The following ARAP2 variants were observed in gnomAD, a reference collection of about 807,000 sequenced individuals.
The protein encoded by ARAP2 is arf-GAP with Rho-GAP domain, ANK repeat and PH domain-containing protein 2.
Under a neutral mutation model 194.5 loss-of-function variants are expected in ARAP2, and 148 were observed. The observed-to-expected ratio is 0.76, with a 90% confidence interval of 0.67 to 0.87. ARAP2 has a LOEUF of 0.87. Among genes scored for constraint, ARAP2 ranks in the 40% least tolerant of loss-of-function variants. The pLI, the probability that ARAP2 is intolerant of heterozygous loss-of-function variation, is 0.00. For synonymous variants in ARAP2, 695 were observed against 683.5 expected, an observed-to-expected ratio of 1.02 and a Z score of -0.26; for missense variants, 2,128 against 1,989.7, an observed-to-expected ratio of 1.07 and a Z score of -1.32.
At chr4:36,060,863 A>G (rs760906707) in intron 1 of ARAP2, among the ~76,000 whole-genome samples, 10 of 152,066 alleles carry the variant, frequency 6.6e-5, no homozygotes, top group Non-Finnish European at 1.0e-4. Context: ...GGCCTGTCCT[A>G]ATAACTTCAT....
intron 9 of ARAP2, among the ~76,000 whole-genome samples, chr4:36,175,498 C>A (rs111990416): frequency 6.6e-6 from 1 of 152,138 alleles, no homozygotes; most frequent in Admixed American, 6.5e-5. Flanking sequence ...ACGTGGACGG[C>A]CTTCCTTATC....
intron 1 of ARAP2, among the ~76,000 whole-genome samples, chr4:36,235,425 G>T (rs567964342): frequency 5.9e-5 from 9 of 152,056 alleles, no homozygotes; most frequent in Non-Finnish European, 2.9e-5. Flanking sequence ...CAGCATATAC[G>T]TATGTCTCCA....
chr4:36,136,957 CAT>C (rs991475310), intron 19 of ARAP2, among the ~76,000 whole-genome samples: 10 of 138,946 alleles, frequency 7.2e-5, no homozygotes, highest in Admixed American at 1.4e-4. Context: ...CACACACACA[CAT>C]ATACACGTAT....
At chr4:36,147,399 C>T in intron 18 of ARAP2, 40 bp from the exon 19 acceptor site, 1 of 1,601,536 alleles carries the variant, frequency 6.2e-7, no homozygotes, top group African/African-American at 1.3e-5. Flanking sequence ...TTTTTTAAAA[C>T]ACTGTAATAA....
chr4:36,126,291 C>G (rs1470348483), intron 21 of ARAP2, among the ~76,000 whole-genome samples: 1 of 152,020 alleles, frequency 6.6e-6, no homozygotes, highest in South Asian at 2.1e-4. Flanking sequence ...AAATTTAACA[C>G]TACTACGCTT....
intron 1 of ARAP2, among the ~76,000 whole-genome samples, chr4:36,240,356 C>T (rs181317734): frequency 2.0e-5 from 3 of 152,306 alleles, no homozygotes; most frequent in Non-Finnish European, 2.9e-5. Flanking sequence ...AATAAACCCA[C>T]AATGCACCTA....
Position 36,091,781 on chromosome 4 carries a change from C to CT in ARAP2, c.4425+99dup, listed in dbSNP as rs1713729052. Reference sequence around the variant, plus strand: ...ATCAGCTTACCATGCATTTTATATACTACAGGCAGTGACTTCCAAGAGAGA... The same window carrying CT: ...ATCAGCTTACCATGCATTTTATATACTTACAGGCAGTGACTTCCAAGAGAGA... On this transcript the variant is annotated intron_variant, in intron 28 of 32. Transcript: ENST00000303965. 29 of 1,297,896 alleles carry CT rather than the reference C, an allele frequency of 2.2e-5. No homozygotes were observed. In the South Asian group the frequency reaches 5.0e-4, roughly 22 times the overall value. The allele number at this position is 1,297,896 out of a possible 1,614,324, so 80.4% of individuals were successfully genotyped here.
rs188026458 is a variant in ARAP2, at chr4:36,055,914, C to T, written n.321+2056G>A. Among the ~76,000 whole-genome samples the T allele has an allele frequency of 1.2e-4, 18 of 152,172 alleles. No individual in the cohort carries two copies. The East Asian group carries it at 3.5e-3, about 29-fold the overall frequency. ...TTTCACACTTTTATTTCAGAGTGGG[C>T]AAGAGTTGGTATTTAGTAATAATAA... On this transcript the variant is annotated intron_variant and non_coding_transcript_variant, in intron 2 of 12. Transcript: ENST00000503225.
chr4:36,231,371 A>T (rs969844228), intron 1 of ARAP2, among the ~76,000 whole-genome samples: 5 of 151,980 alleles, frequency 3.3e-5, no homozygotes, highest in African/African-American at 4.8e-5. Context: ...AAAAAATTTT[A>T]AAAAAAGAAA....
At chr4:36,071,946 C>T (rs1459071931) in intron 32 of ARAP2, among the ~76,000 whole-genome samples, 6 of 151,036 alleles carry the variant, frequency 4.0e-5, no homozygotes, top group Non-Finnish European at 8.8e-5. Context: ...TGAGAATATG[C>T]GGTGTTTGGT....
chr4:36,107,475 AC>A, intron 27 of ARAP2, 89 bp downstream of exon 27: 1 of 1,369,908 alleles, frequency 7.3e-7, no homozygotes, highest in Non-Finnish European at 9.8e-7. Context: ...CTCGTTTTTC[AC>A]ATTTTCAAAT....
At chr4:36,114,002 A>G (rs1466558361) in intron 26 of ARAP2, among the ~76,000 whole-genome samples, 168 bp downstream of exon 26, 1 of 151,990 alleles carries the variant, frequency 6.6e-6, no homozygotes, top group Non-Finnish European at 1.5e-5. Flanking sequence ...AATTATTTTG[A>G]TGAGTAAAAT....
chr4:36,089,389 T>G (rs1214778690), intron 28 of ARAP2, among the ~76,000 whole-genome samples: 1 of 152,154 alleles, frequency 6.6e-6, no homozygotes, highest in African/African-American at 2.4e-5. Flanking sequence ...TTATCAGCTT[T>G]TATGAATAAA....
intron 26 of ARAP2, 68 bp from the exon 27 acceptor site, chr4:36,107,761 T>C (rs1718795519): frequency 1.1e-5 from 16 of 1,452,996 alleles, no homozygotes; most frequent in Non-Finnish European, 1.2e-5. Context: ...TTTATAATCA[T>C]AAATTTTAAA....
At chr4:36,083,847 T>C (rs1223148126) in intron 28 of ARAP2, among the ~76,000 whole-genome samples, 4 of 152,086 alleles carry the variant, frequency 2.6e-5, no homozygotes, top group Non-Finnish European at 2.9e-5. Flanking sequence ...CCAAAGGAAA[T>C]TGACATTTGA....
intron 26 of ARAP2, 144 bp from the exon 27 acceptor site, chr4:36,107,837 T>C (rs1718827060): frequency 2.9e-6 from 2 of 684,672 alleles, no homozygotes; most frequent in Admixed American, 3.6e-5. Context: ...TATTATACAG[T>C]AATAGCACTA....
At chr4:36,148,311 T>C (rs1380829823) in intron 17 of ARAP2, 94 bp downstream of exon 17, 6 of 857,414 alleles carry the variant, frequency 7.0e-6, no homozygotes, top group Non-Finnish European at 1.1e-5. Flanking sequence ...CCTACAATCT[T>C]ATATAAAACT....
At chr4:36,158,935 T>C in intron 14 of ARAP2, 71 bp from the exon 15 acceptor site, 1 of 1,365,120 alleles carries the variant, frequency 7.3e-7, no homozygotes, top group Non-Finnish European at 9.9e-7. Flanking sequence ...TTATAATATG[T>C]ACATGAGTTT....
intron 24 of ARAP2, among the ~76,000 whole-genome samples, chr4:36,117,739 A>G (rs1031719478): frequency 6.6e-6 from 1 of 151,676 alleles, no homozygotes; most frequent in Admixed American, 6.6e-5. Flanking sequence ...GACAATAAAA[A>G]GAAGTTTTTA....
Sources: gnomAD v4.1 joint callset for allele counts (sites outside exome capture counted in the v4.1 genomes callset) on GRCh38, gnomAD v4.1.1 for gene constraint, MANE v1.5 for transcripts, NCBI Gene and HGNC (gene_info 2026-07-23, HGNC 2026-07-21) for gene names.